The following NELL2 variants were observed in gnomAD, a reference collection of about 807,000 sequenced individuals.
NELL2 encodes protein kinase C-binding protein NELL2.
Under a neutral mutation model 109.6 loss-of-function variants are expected in NELL2, and 41 were observed. The observed-to-expected ratio is 0.37, with a 90% CI of 0.29 to 0.49. The LOEUF (loss-of-function observed/expected upper bound fraction) is 0.49, where lower values mean the gene tolerates loss of function less well. NELL2 is among the 20% of genes least tolerant of loss of function. The pLI is 0.98. For synonymous variants in NELL2, 355 were observed against 344.7 expected (o/e 1.03, Z -0.33); for missense variants, 900 against 1,008.3 (o/e 0.89, Z 1.45).
chr12:44,817,264 T>C (rs1319834062), intron 2 of NELL2, among the ~76,000 whole-genome samples: 1 of 152,162 alleles, frequency 6.6e-6, no homozygotes, highest in Non-Finnish European at 1.5e-5. Flanking sequence ...TAGTTGGGAA[T>C]CACAACCTTG....
chr12:44,727,554 C>T (rs1322084500), intron 9 of NELL2, among the ~76,000 whole-genome samples: 2 of 151,686 alleles, frequency 1.3e-5, no homozygotes, highest in African/African-American at 2.4e-5. Flanking sequence ...GAGAGAAAAG[C>T]AGAAAGAGAG....
At position 44,714,641 on chromosome 12, in the gene NELL2, T is replaced by G. The variant is rs367868312; in HGVS notation, c.1086+9A>C. On this transcript the variant is annotated intron_variant, in intron 10 of 19. Coordinates refer to ENST00000429094, the MANE Select transcript of NELL2 (RefSeq NM_001145108.2). Reference sequence around the variant, plus strand: ...ACAATTTTGAAAGACCCACGAATAGTCTTCTTACCTTGCACTCATAGAGAA... The same window carrying G: ...ACAATTTTGAAAGACCCACGAATAGGCTTCTTACCTTGCACTCATAGAGAA... 6 of 1,535,470 alleles carry G rather than the reference T, an allele frequency of 3.9e-6. No homozygotes were observed. Among genetic ancestry groups the G allele is most frequent in the Middle Eastern group, 1.7e-4 (1 of 5,920 alleles).
chr12:44,755,699 A>G (rs528627492), intron 9 of NELL2, among the ~76,000 whole-genome samples: 67 of 152,160 alleles, frequency 4.4e-4, no homozygotes, highest in East Asian at 1.9e-4. Flanking sequence ...CAACCTTGTT[A>G]GTGCTTCCTG....
chr12:44,755,445 T>C (rs1367217092), intron 9 of NELL2, among the ~76,000 whole-genome samples: 1 of 151,686 alleles, frequency 6.6e-6, no homozygotes, highest in Non-Finnish European at 1.5e-5. Context: ...TCACAGTCTC[T>C]CTCTCTGTCA....
chr12:44,798,663 T>C (rs1328170675), intron 3 of NELL2, among the ~76,000 whole-genome samples: 2 of 152,086 alleles, frequency 1.3e-5, no homozygotes, highest in Admixed American at 6.6e-5. Flanking sequence ...AGTACATATA[T>C]CTAACATAAT....
At chr12:44,516,586 T>G (rs1358819082) in intron 19 of NELL2, among the ~76,000 whole-genome samples, 1 of 152,194 alleles carries the variant, frequency 6.6e-6, no homozygotes, top group East Asian at 1.9e-4. Flanking sequence ...ATTTCCTCTT[T>G]TATTTTAGTA....
chr12:44,735,152 T>C (rs552968572), intron 9 of NELL2, among the ~76,000 whole-genome samples: 1 of 152,292 alleles, frequency 6.6e-6, no homozygotes, highest in East Asian at 1.9e-4. Flanking sequence ...GAAGATATAC[T>C]GATTTATCTT....
Position 44,661,721 on chromosome 12 carries a change from A to C in NELL2, c.1444+3763T>G, listed in dbSNP as rs996713595. ...AAAAAAGCCATTCGTCCATATAAGT[A>C]ATCAAGAAACTTTGTTATGCATAAA... On this transcript the variant is annotated intron_variant, in intron 13 of 19. Transcript: ENST00000429094. Among the ~76,000 whole-genome samples the C allele has an allele frequency of 2.6e-5, 4 of 152,236 alleles. No homozygotes were observed. In the East Asian group the frequency reaches 7.7e-4, roughly 29 times the overall value.
At chr12:44,716,163 C>T (rs923040002) in intron 9 of NELL2, among the ~76,000 whole-genome samples, 3 of 152,092 alleles carry the variant, frequency 2.0e-5, no homozygotes, top group Non-Finnish European at 4.4e-5. Context: ...TAACCTGACT[C>T]TCGCTTTCCT....
At chr12:44,575,526 C>T (rs577624047) in intron 15 of NELL2, among the ~76,000 whole-genome samples, 1 of 152,314 alleles carries the variant, frequency 6.6e-6, no homozygotes, top group East Asian at 1.9e-4. Context: ...GATGAAGTCT[C>T]AGTCTTTGGT....
chr12:44,862,857 T>C (rs531066594), intron 2 of NELL2, among the ~76,000 whole-genome samples: 2 of 150,958 alleles, frequency 1.3e-5, no homozygotes, highest in Admixed American at 1.3e-4. Context: ...AAGAAGGAAA[T>C]GGAAAGAAGA....
intron 15 of NELL2, among the ~76,000 whole-genome samples, chr12:44,561,657 A>G (rs1943471855): frequency 6.6e-6 from 1 of 152,236 alleles, no homozygotes; most frequent in Non-Finnish European, 1.5e-5. Flanking sequence ...CCACTGCTCA[A>G]GGAAATAAGA....
In NELL2 at chr12:44,816,089, A is replaced by G; in HGVS notation, c.232T>C (p.Phe78Leu). 1 of 1,613,582 alleles carries G rather than the reference A, an allele frequency of 6.2e-7. No individual in the cohort carries two copies. The change falls in exon 3 of 20, where the codon TTT (phenylalanine) becomes CTT (leucine). Residue 78 changes from phenylalanine (F) to leucine (L), a missense_variant. Phe to Leu is a conservative substitution (Grantham distance 22, BLOSUM62 0). Around this residue, in one of 4 missense-constraint regions of NELL2, gnomAD observed 200 missense variants for 191.8 expected, o/e 1.04. Coordinates refer to ENST00000429094, the MANE Select transcript of NELL2 (RefSeq NM_001145108.2). ...KASTATAEQF[F>L]QKLRNKHEFT... ...TCATGTTTATTTCTCAGCTTCTGAA[A>G]AAACTGTTCAGCTGTAGCAGTGGAT...
In NELL2 at chr12:44,532,674, T is replaced by C; in HGVS notation, c.1711A>G (p.Asn571Asp). ...TACCATCCAGGCAGGTTAATGCAAT[T>C]AGCACGACTGTCACATTGAACAAAA... Reference protein sequence around the residue: ...DGFVQCDSRANCINLPGWYHC... With the variant: ...DGFVQCDSRADCINLPGWYHC... Residue 571 changes from asparagine to aspartate, a missense_variant, in exon 16 of 20, where the codon AAT becomes GAT. By Grantham distance (23) the Asn-to-Asp change is conservative (BLOSUM62 1). Around this residue, in one of 4 missense-constraint regions of NELL2, gnomAD observed 333 missense variants for 432.3 expected, o/e 0.77. Coordinates refer to ENST00000429094, the MANE Select transcript of NELL2 (RefSeq NM_001145108.2). 6.2e-7 allele frequency: 1 copy of C among 1,613,562 alleles called. No homozygotes were observed. The highest frequency in any genetic ancestry group is 8.5e-7 in the Non-Finnish European group (1 of 1,179,630).
intron 3 of NELL2, among the ~76,000 whole-genome samples, chr12:44,794,216 G>A (rs947187639): frequency 6.6e-6 from 1 of 152,132 alleles, no homozygotes; most frequent in Non-Finnish European, 1.5e-5. Context: ...CTGTATGATA[G>A]TACTTGCCTC....
chr12:44,731,378 G>A (rs1939361013), intron 9 of NELL2, among the ~76,000 whole-genome samples: 1 of 151,702 alleles, frequency 6.6e-6, no homozygotes, highest in Non-Finnish European at 1.5e-5. Context: ...CAACAGCGCA[G>A]TAGAAGGATT....
intron 9 of NELL2, among the ~76,000 whole-genome samples, chr12:44,772,028 G>A (rs1021525243): frequency 2.0e-5 from 3 of 152,108 alleles, no homozygotes; most frequent in Non-Finnish European, 4.4e-5. Flanking sequence ...TCTTTAAGCT[G>A]TTTTCAATAA....
At chr12:44,737,829 G>T (rs566372455) in intron 9 of NELL2, among the ~76,000 whole-genome samples, 1 of 151,730 alleles carries the variant, frequency 6.6e-6, no homozygotes, top group East Asian at 1.9e-4. Flanking sequence ...TGTTCTTAAG[G>T]CCCTCATGAT....
intron 9 of NELL2, among the ~76,000 whole-genome samples, chr12:44,766,735 C>A (rs1941351107): frequency 6.6e-6 from 1 of 152,132 alleles, no homozygotes; most frequent in Admixed American, 6.5e-5. Context: ...GGAGGACTAG[C>A]CTTCTGATCA....
Sources: gnomAD v4.1 joint callset for allele counts (sites outside exome capture counted in the v4.1 genomes callset) on GRCh38, gnomAD v4.1.1 for gene constraint, gnomAD v4.1.1 regional missense constraint, MANE v1.5 for transcripts, NCBI Gene and HGNC (gene_info 2026-07-23, HGNC 2026-07-21) for gene names.